Variants in ZFYVE27 observed in about 807,000 individuals in gnomAD.
The protein encoded by ZFYVE27 is protrudin.
Under a neutral mutation model 52.8 loss-of-function variants are expected in ZFYVE27, and 36 were observed. That is an observed-to-expected ratio of 0.68 (90% CI 0.52 to 0.90). The LOEUF (loss-of-function observed/expected upper bound fraction) is 0.90, where lower values mean the gene tolerates loss of function less well. ZFYVE27 is among the 40% of genes least tolerant of loss of function. The pLI is 0.00. For missense variants in ZFYVE27, 450 were observed against 527.2 expected, an observed-to-expected ratio of 0.85 and a Z score of 1.43; for synonymous variants, 223 against 215.6, an observed-to-expected ratio of 1.03 and a Z score of -0.30.
chr10:97,751,587 C>A, intron 8 of ZFYVE27, 125 bp downstream of exon 8: 1 of 948,210 alleles, frequency 1.1e-6, no homozygotes, highest in Non-Finnish European at 1.6e-6. Flanking sequence ...AGCTAGAACT[C>A]ACTGGTTGAA....
chr10:97,753,709 C>T (rs922620832), intron 10 of ZFYVE27, among the ~76,000 whole-genome samples: 4 of 152,184 alleles, frequency 2.6e-5, no homozygotes, highest in African/African-American at 9.7e-5. Context: ...TAGCACAGTG[C>T]TGGTTGGTTC....
At chr10:97,744,360 G>C (rs2044588559) in intron 3 of ZFYVE27, among the ~76,000 whole-genome samples, 1 of 152,220 alleles carries the variant, frequency 6.6e-6, no homozygotes, top group South Asian at 2.1e-4. Context: ...TCAGGCATCA[G>C]GAGCTCCTGG....
chr10:97,745,337 G>A (rs149786996), intron 4 of ZFYVE27, among the ~76,000 whole-genome samples: 4 of 151,604 alleles, frequency 2.6e-5, no homozygotes, highest in African/African-American at 7.3e-5. Flanking sequence ...ACACCACCAC[G>A]CCCAGCTAAT....
intron 8 of ZFYVE27, 51 bp from the exon 9 acceptor site, chr10:97,752,806 C>A: frequency 6.2e-7 from 1 of 1,604,746 alleles, no homozygotes; most frequent in Non-Finnish European, 8.5e-7. Context: ...TTTCTTCTTG[C>A]TATCTTTTTC....
In ZFYVE27 at chr10:97,757,631, C is replaced by T. The variant is rs778023245; in HGVS notation, c.1090-11C>T. ...GTGAGGGACACATCTGACCTTGGCTCTTGTCTGCAGCGGAGCTGCAGTAAT... is the reference window on the plus strand; with the variant it reads ...GTGAGGGACACATCTGACCTTGGCTTTTGTCTGCAGCGGAGCTGCAGTAAT... On this transcript the variant is annotated splice_polypyrimidine_tract_variant and intron_variant, in intron 11 of 12. Coordinates refer to ENST00000684270, the MANE Select transcript of ZFYVE27 (RefSeq NM_001385875.1). 3 of 1,613,990 alleles carry T rather than the reference C, an allele frequency of 1.9e-6. No individual in the cohort carries two copies. The highest frequency in any genetic ancestry group is 4.5e-5 in the East Asian group (2 of 44,874).
intron 10 of ZFYVE27, 53 bp downstream of exon 10, chr10:97,753,235 G>A: frequency 2.5e-6 from 4 of 1,576,860 alleles, no homozygotes; most frequent in Non-Finnish European, 3.4e-6. Context: ...TGGACTTCTG[G>A]GACTCTAGTG....
chr10:97,751,302 G>T (rs2046928759), intron 7 of ZFYVE27, 89 bp from the exon 8 acceptor site: 1 of 1,443,804 alleles, frequency 6.9e-7, no homozygotes, highest in East Asian at 2.3e-5. Context: ...GTTTTGGGTA[G>T]CCTGGATGCT....
chr10:97,752,805 G>T (rs2047328870), intron 8 of ZFYVE27, 52 bp from the exon 9 acceptor site: 2 of 1,605,942 alleles, frequency 1.2e-6, no homozygotes, highest in Non-Finnish European at 1.7e-6. Flanking sequence ...CTTTCTTCTT[G>T]CTATCTTTTT....
Position 97,738,534 on chromosome 10 carries a change from C to T in ZFYVE27, c.57C>T (p.Pro19=), listed in dbSNP as rs1418193420. 6.2e-7 allele frequency: 1 copy of T among 1,614,134 alleles called. No individual in the cohort carries two copies. The highest frequency in any genetic ancestry group is 8.5e-7 in the Non-Finnish European group (1 of 1,180,022). The part of the protein sequence containing the change: ...SGPELSPSVM[P]EAPLESPPFP... Reference sequence around the variant, plus strand: ...CGGAGCTGAGCCCCAGCGTGATGCCCGAGGCTCCCCTGGAGTCTCCACCTT... The same window carrying T: ...CGGAGCTGAGCCCCAGCGTGATGCCTGAGGCTCCCCTGGAGTCTCCACCTT... Residue 19 remains proline, a synonymous_variant, in exon 2 of 13, where the codon CCC becomes CCT. Coordinates refer to ENST00000684270, the MANE Select transcript of ZFYVE27 (RefSeq NM_001385875.1).
intron 7 of ZFYVE27, 55 bp downstream of exon 7, chr10:97,750,525 T>TA: frequency 1.2e-6 from 2 of 1,609,164 alleles, no homozygotes; most frequent in South Asian, 1.1e-5. Flanking sequence ...GCCCCCCTGT[T>TA]ATCAGCTTGT....
rs112508815 is a variant in ZFYVE27, at chr10:97,751,348, C to T, written c.805-43C>T. On this transcript the variant is annotated intron_variant, in intron 7 of 12. Coordinates refer to ENST00000684270, the MANE Select transcript of ZFYVE27 (RefSeq NM_001385875.1). ...GGTGGTCCTCTGCCTTAGGGAGCAG[C>T]GCTGCCATCCTTCTCCTTCTGTCAT... 3.7e-5 allele frequency: 60 copies of T among 1,606,098 alleles called. 1 individual carries two copies. The highest frequency in any genetic ancestry group is 2.2e-4 in the East Asian group (10 of 44,722).
chr10:97,754,854 T>G, intron 10 of ZFYVE27: 1 of 1,285,628 alleles, frequency 7.8e-7, no homozygotes, highest in Non-Finnish European at 1.0e-6. Context: ...AACTTCTAAG[T>G]AAAGGTACTT....
chr10:97,738,752 AG>A (rs2042775323), intron 2 of ZFYVE27, 78 bp downstream of exon 2: 1 of 1,536,620 alleles, frequency 6.5e-7, no homozygotes, highest in African/African-American at 1.4e-5. Flanking sequence ...CTGACCATTT[AG>A]GCAGTGGCTG....
chr10:97,741,347 G>T (rs1416618045), intron 2 of ZFYVE27, among the ~76,000 whole-genome samples: 1 of 152,176 alleles, frequency 6.6e-6, no homozygotes, highest in Non-Finnish European at 1.5e-5. Flanking sequence ...CAATAGCAAA[G>T]ACTTGGAACC....
chr10:97,750,402 C>T lies in ZFYVE27; in HGVS notation c.736C>T (p.Pro246Ser), dbSNP rs778201877. 1.7e-5 allele frequency: 28 copies of T among 1,614,038 alleles called. No homozygotes were observed. The Admixed American group carries it at 3.0e-4, about 17-fold the overall frequency. ...GCAGGAAGAGCATGCCTTTGAGAGT[C>T]CTCCACCACCAGATGTTGGGGGGAA... ...PKQEEHAFES[P>S]PPPDVGGKDG... is the part of the protein sequence containing the mutation. The change falls in exon 7 of 13, where the codon CCT (proline) becomes TCT (serine). Residue 246 changes from proline (P) to serine (S), a missense_variant. By Grantham distance (74) the Pro-to-Ser change is moderately conservative (BLOSUM62 -1). Transcript: ENST00000684270.
intron 10 of ZFYVE27, 84 bp downstream of exon 10, chr10:97,753,266 G>T: frequency 2.0e-6 from 3 of 1,528,328 alleles, no homozygotes; most frequent in Admixed American, 2.0e-5. Context: ...AGCCACAGGG[G>T]CAGAGTCTCA....
chr10:97,751,924 A>G (rs1272009833), intron 8 of ZFYVE27, among the ~76,000 whole-genome samples: 2 of 152,206 alleles, frequency 1.3e-5, no homozygotes, highest in Non-Finnish European at 2.9e-5. Context: ...TGATTTTAGG[A>G]TGGTAATTCA....
intron 7 of ZFYVE27, among the ~76,000 whole-genome samples, chr10:97,750,726 T>C (rs2046733671): frequency 6.6e-6 from 1 of 151,976 alleles, no homozygotes; most frequent in Non-Finnish European, 1.5e-5. Context: ...AGGTTCTTTC[T>C]TTCCTTTTCT....
intron 10 of ZFYVE27, among the ~76,000 whole-genome samples, chr10:97,754,049 G>GCTCCTGAGGAAGGGCC (rs1445725916): frequency 6.6e-6 from 1 of 152,164 alleles, no homozygotes; most frequent in Non-Finnish European, 1.5e-5. Flanking sequence ...GAGCTGCTGT[G>GCTCCTGAGGAAGGGCC]CTCCTGAGGA....
Sources: allele counts gnomAD v4.1 joint callset (sites outside exome capture counted in the v4.1 genomes callset), GRCh38; gene constraint gnomAD v4.1.1; transcripts MANE v1.5; gene names NCBI Gene and HGNC (gene_info 2026-07-23, HGNC 2026-07-21).